The following NFYC variants were observed in gnomAD, a reference collection of about 807,000 sequenced individuals.
NFYC encodes CAAT box DNA-binding protein subunit C.
A neutral mutation model predicts 53.1 loss-of-function variants in NFYC; 25 were observed. The ratio of observed to expected loss-of-function variants is 0.47; its 90% confidence interval spans 0.34 to 0.66. NFYC has a LOEUF of 0.66. Among genes scored for constraint, NFYC ranks in the 30% least tolerant of loss-of-function variants. The pLI, the probability that NFYC is intolerant of heterozygous loss-of-function variation, is 0.01. For missense variants in NFYC, 260 were observed against 422.7 expected (o/e 0.62, Z 3.38); for synonymous variants, 145 against 152.6 (o/e 0.95, Z 0.37).
chr1:40,715,583 G>A (rs752136104), intron 1 of NFYC, among the ~76,000 whole-genome samples: 1 of 151,946 alleles, frequency 6.6e-6, no homozygotes, highest in African/African-American at 2.4e-5. Flanking sequence ...CCATATGGGG[G>A]CCCACCTCTT....
intron 1 of NFYC, among the ~76,000 whole-genome samples, chr1:40,737,479 C>T (rs1359546535): frequency 6.6e-6 from 1 of 151,978 alleles, no homozygotes; most frequent in Admixed American, 6.5e-5. Flanking sequence ...CAAGCGTCTG[C>T]CGCCACGCCC....
intron 1 of NFYC, among the ~76,000 whole-genome samples, chr1:40,736,976 A>G (rs1234404493): frequency 6.6e-6 from 1 of 151,880 alleles, no homozygotes; most frequent in East Asian, 1.9e-4. Context: ...AAATATAAAA[A>G]ATTAGCTAGG....
intron 1 of NFYC, among the ~76,000 whole-genome samples, chr1:40,734,314 A>C (rs1388531805): frequency 6.6e-6 from 1 of 152,000 alleles, no homozygotes; most frequent in Non-Finnish European, 1.5e-5. Flanking sequence ...TAATGCATTA[A>C]AATAAGAGGT....
intron 1 of NFYC, 184 bp downstream of exon 1, chr1:40,692,051 C>G: frequency 4.8e-6 from 1 of 207,672 alleles, no homozygotes; most frequent in South Asian, 4.3e-5. Flanking sequence ...CGCCGCCGCG[C>G]TCGTGGGGTC....
At chr1:40,711,633 A>G (rs1643931311) in intron 1 of NFYC, among the ~76,000 whole-genome samples, 1 of 152,236 alleles carries the variant, frequency 6.6e-6, no homozygotes, top group Non-Finnish European at 1.5e-5. Flanking sequence ...ATGCCTGTAC[A>G]AAACCTTTGA....
intron 8 of NFYC, chr1:40,768,866 G>T (rs557146288): frequency 4.5e-5 from 7 of 156,650 alleles, no homozygotes; most frequent in Non-Finnish European, 7.1e-5. Flanking sequence ...CCACTTGCTC[G>T]CCAGGGTGTT....
At chr1:40,734,706 A>G (rs1209846234) in intron 1 of NFYC, 1 of 152,170 alleles carries the variant, frequency 6.6e-6, no homozygotes, top group Admixed American at 6.6e-5. Flanking sequence ...TTAAAGCTCC[A>G]TGCAAAGAAT....
chr1:40,759,577 A>G (rs117269837), intron 6 of NFYC, among the ~76,000 whole-genome samples: 40 of 84,968 alleles, frequency 4.7e-4, no homozygotes, highest in Admixed American at 1.3e-3. Context: ...GTGTGTGTGT[A>G]TGTGTGTGTG....
In NFYC at chr1:40,766,773, G is replaced by A. The variant is rs530337202; in HGVS notation, c.828+70G>A. ...AGATGGCTTCTGACAGGAAAGGAGC[G>A]CTCAGCACACAGCTGTCTTGCCACC... On this transcript the variant is annotated intron_variant, in intron 8 of 9. Transcript: ENST00000447388. 52 of 1,522,060 alleles carry A rather than the reference G, an allele frequency of 3.4e-5. No homozygotes were observed. In the African/African-American group the frequency reaches 4.4e-4, roughly 13 times the overall value. 94.3% of individuals were successfully genotyped at this position (1,522,060 alleles called of 1,614,324 possible).
chr1:40,718,895 C>T (rs1269800861), intron 1 of NFYC, among the ~76,000 whole-genome samples: 3 of 152,160 alleles, frequency 2.0e-5, no homozygotes, highest in Non-Finnish European at 2.9e-5. Context: ...GTTTTTGAGA[C>T]GGAGTCTTGC....
At chr1:40,766,211 C>T (rs1441425067) in intron 7 of NFYC, 3 of 180,768 alleles carry the variant, frequency 1.7e-5, no homozygotes, top group Non-Finnish European at 2.3e-5. Context: ...CAGATGGGAG[C>T]GAAAGAGGCC....
chr1:40,763,316 A>G (rs544577223), intron 7 of NFYC: 2 of 471,014 alleles, frequency 4.2e-6, no homozygotes, highest in African/African-American at 2.0e-5. Flanking sequence ...TGATATATAT[A>G]TAGAGATATA....
At chr1:40,699,905 C>T (rs983790537) in intron 1 of NFYC, among the ~76,000 whole-genome samples, 6 of 152,112 alleles carry the variant, frequency 3.9e-5, no homozygotes, top group South Asian at 2.1e-4. Flanking sequence ...TTATTCAGAG[C>T]CTTGGTGCTT....
Position 40,733,588 on chromosome 1 carries a change from A to G in NFYC, c.-8-5248A>G, listed in dbSNP as rs145834400. Among the ~76,000 whole-genome samples, 22 of 150,806 alleles carry G rather than the reference A, an allele frequency of 1.5e-4. No homozygotes were observed. In the East Asian group the frequency reaches 4.4e-3, roughly 30 times the overall value. ...ATTTTTTATTATTATAATTTTTTTG[A>G]GGCAGGGTCTCCCTCTGTTGCCCAG... On this transcript the variant is annotated intron_variant, in intron 1 of 9. Coordinates refer to ENST00000447388, the MANE Select transcript of NFYC (RefSeq NM_014223.5).
At chr1:40,755,507 G>T (rs1254116317) in intron 5 of NFYC, among the ~76,000 whole-genome samples, 1 of 152,226 alleles carries the variant, frequency 6.6e-6, no homozygotes, top group African/African-American at 2.4e-5. Context: ...GAAGGTAGGA[G>T]GTAGTTGAGG....
chr1:40,750,202 A>G (rs1410709821), intron 4 of NFYC, among the ~76,000 whole-genome samples: 1 of 151,688 alleles, frequency 6.6e-6, no homozygotes, highest in South Asian at 2.1e-4. Flanking sequence ...TTCATACTGT[A>G]TGCAGAGCCC....
At chr1:40,708,000 C>T (rs1351215419) in intron 1 of NFYC, among the ~76,000 whole-genome samples, 1 of 152,130 alleles carries the variant, frequency 6.6e-6, no homozygotes, top group Non-Finnish European at 1.5e-5. Context: ...AGGATTTAAC[C>T]AACCATGGGT....
chr1:40,701,081 G>C (rs374456331), intron 1 of NFYC, among the ~76,000 whole-genome samples: 50 of 152,244 alleles, frequency 3.3e-4, no homozygotes, highest in Non-Finnish European at 4.4e-4. Flanking sequence ...TAGTATATTA[G>C]CTTTGTCCAA....
intron 2 of NFYC, among the ~76,000 whole-genome samples, chr1:40,739,575 C>G (rs1365674716): frequency 6.6e-6 from 1 of 152,118 alleles, no homozygotes; most frequent in Non-Finnish European, 1.5e-5. Flanking sequence ...CAGACATTGG[C>G]AAATGTCCCC....
Sources: gnomAD v4.1 joint callset for allele counts (sites outside exome capture counted in the v4.1 genomes callset) on GRCh38, gnomAD v4.1.1 for gene constraint, MANE v1.5 for transcripts, NCBI Gene and HGNC (gene_info 2026-07-23, HGNC 2026-07-21) for gene names.